The following NOX4 variants were observed in gnomAD, a reference collection of about 807,000 sequenced individuals.
The protein encoded by NOX4 is NADPH oxidase 4, also known as kidney oxidase-1.
NOX4 carries 69 observed loss-of-function variants against 87.6 expected under a neutral mutation model. The ratio of observed to expected loss-of-function variants is 0.79; its 90% CI spans 0.65 to 0.96. The LOEUF is 0.96. Among genes scored for constraint, NOX4 ranks in the 40% least tolerant of loss-of-function variants. NOX4 has a pLI of 0.00. For missense variants in NOX4, 680 were observed against 681.5 expected (o/e 1.00, Z 0.02); for synonymous variants, 275 against 238.2 (o/e 1.15, Z -1.42).
chr11:89,326,086 T>G lies in NOX4; in HGVS notation c.*670A>C, dbSNP rs1945211757. On this transcript the variant is annotated 3_prime_UTR_variant, in exon 18 of 18. Coordinates refer to ENST00000263317, the MANE Select transcript of NOX4 (RefSeq NM_016931.5). ...TAATGCATGCTAAGGGAAGGCATAT[T>G]TCCCTAGAGAGAGGAATAAAAAGAA... 1 of 151,342 alleles carries G rather than the reference T, an allele frequency of 6.6e-6. No individual in the cohort carries two copies. Among genetic ancestry groups the G allele is most frequent in the South Asian group, 2.1e-4 (1 of 4,826 alleles). The allele number at this position is 151,342 out of a possible 1,614,324, so 9.4% of individuals were successfully genotyped here.
intron 2 of NOX4, among the ~76,000 whole-genome samples, chr11:89,469,868 T>C (rs141893703): frequency 1.3e-5 from 2 of 152,254 alleles, no homozygotes; most frequent in East Asian, 3.9e-4. Flanking sequence ...GATGGGCTAT[T>C]TTAAAATAAA....
intron 2 of NOX4, among the ~76,000 whole-genome samples, chr11:89,464,872 G>C (rs1945609448): frequency 6.6e-6 from 1 of 152,184 alleles, no homozygotes; most frequent in Non-Finnish European, 1.5e-5. Flanking sequence ...AAATTCATTT[G>C]TTGAAGCCCT....
At position 89,358,882 on chromosome 11, in the gene NOX4, C is replaced by G. The variant is rs577272182; in HGVS notation, c.1136-3839G>C. On this transcript the variant is annotated intron_variant, in intron 12 of 17. Transcript: ENST00000263317. ...AAATGGCACAGTTATCCAAATACTA[C>G]AGCTCAGTCCTTTCACAGGACTTCT... Among the ~76,000 whole-genome samples the G allele has an allele frequency of 9.2e-5, 14 of 152,054 alleles. 2 individuals are homozygous for G. The South Asian group carries it at 2.9e-3, about 32-fold the overall frequency.
At chr11:89,402,712 A>T (rs955691869) in intron 8 of NOX4, among the ~76,000 whole-genome samples, 170 bp from the exon 9 acceptor site, 3 of 152,140 alleles carry the variant, frequency 2.0e-5, no homozygotes, top group African/African-American at 4.8e-5. Flanking sequence ...GAAAAATCTT[A>T]AAAAATTTTG....
intron 13 of NOX4, among the ~76,000 whole-genome samples, chr11:89,344,716 G>T (rs1425495365): frequency 6.6e-6 from 1 of 152,126 alleles, no homozygotes; most frequent in Non-Finnish European, 1.5e-5. Context: ...TCATAGGAAA[G>T]TATAATGCCC....
intron 17 of NOX4, among the ~76,000 whole-genome samples, chr11:89,327,785 T>G (rs1193939440): frequency 6.6e-6 from 1 of 152,104 alleles, no homozygotes; most frequent in Non-Finnish European, 1.5e-5. Flanking sequence ...TTATTAAAAC[T>G]TTTTACCTTG....
At chr11:89,556,691 A>G in the NOX4 span, among the ~76,000 whole-genome samples, 14 of 152,280 alleles carry the variant, frequency 9.2e-5, no homozygotes, top group Admixed American at 8.5e-4. Context: ...TGGGAGGGTT[A>G]CCTCAATTCA....
At chr11:89,354,454 G>A (rs961215117) in intron 13 of NOX4, among the ~76,000 whole-genome samples, 6 of 152,242 alleles carry the variant, frequency 3.9e-5, no homozygotes, top group Admixed American at 2.6e-4. Flanking sequence ...ATAACAAAGC[G>A]TCAGAAGATT....
At chr11:89,585,070 A>G in the NOX4 span, among the ~76,000 whole-genome samples, 1 of 152,090 alleles carries the variant, frequency 6.6e-6, no homozygotes, top group Non-Finnish European at 1.5e-5. Flanking sequence ...CGAATTTTGT[A>G]TTGTCAGGTA....
At chr11:89,380,820 T>C (rs1940228529) in intron 11 of NOX4, among the ~76,000 whole-genome samples, 1 of 152,168 alleles carries the variant, frequency 6.6e-6, no homozygotes, top group Non-Finnish European at 1.5e-5. Flanking sequence ...GCTTCATCTA[T>C]GGTTAAGATA....
intron 8 of NOX4, among the ~76,000 whole-genome samples, chr11:89,419,994 C>A (rs1943001293): frequency 6.6e-6 from 1 of 151,888 alleles, no homozygotes; most frequent in African/African-American, 2.4e-5. Flanking sequence ...ATAGACAGAT[C>A]ACAATCTCAA....
chr11:89,361,658 A>C lies in NOX4; in HGVS notation c.1136-6615T>G, dbSNP rs1465400585. 2.6e-5 allele frequency among the ~76,000 whole-genome samples: 4 copies of C among 152,152 alleles called. No individual in the cohort carries two copies. In the East Asian group the frequency reaches 7.7e-4, roughly 29 times the overall value. ...GCTTAAGGAATGAAAAGAAATCTTA[A>C]TTAAAGTCACTGAAAGGGAGTGGGG... On this transcript the variant is annotated intron_variant, in intron 12 of 17. Coordinates refer to ENST00000263317, the MANE Select transcript of NOX4 (RefSeq NM_016931.5).
At chr11:89,388,201 C>G (rs1442061096) in intron 11 of NOX4, among the ~76,000 whole-genome samples, 1 of 152,130 alleles carries the variant, frequency 6.6e-6, no homozygotes, top group East Asian at 1.9e-4. Flanking sequence ...TTAAAAGCTA[C>G]TTAATGGACA....
chr11:89,523,394 G>A, the NOX4 span, among the ~76,000 whole-genome samples: 1 of 152,178 alleles, frequency 6.6e-6, no homozygotes, highest in Non-Finnish European at 1.5e-5. Flanking sequence ...TCAGCAATGA[G>A]AGAATAAAAA....
chr11:89,343,186 A>C (rs1031855362), intron 13 of NOX4, among the ~76,000 whole-genome samples: 13 of 152,226 alleles, frequency 8.5e-5, no homozygotes, highest in Non-Finnish European at 1.9e-4. Flanking sequence ...TTCCAGACAA[A>C]TAACTTTTCC....
chr11:89,479,677 T>A (rs1026091674), intron 2 of NOX4, among the ~76,000 whole-genome samples: 2 of 152,192 alleles, frequency 1.3e-5, no homozygotes, highest in African/African-American at 4.8e-5. Flanking sequence ...ATTGTCAAAT[T>A]CAACTTTCTA....
the NOX4 span, among the ~76,000 whole-genome samples, chr11:89,573,005 C>CTA: frequency 2.0e-5 from 3 of 151,950 alleles, no homozygotes; most frequent in Admixed American, 1.3e-4. Context: ...TCCTCTTTTA[C>CTA]TATAGTTCAC....
At chr11:89,583,483 A>T in the NOX4 span, among the ~76,000 whole-genome samples, 1 of 152,216 alleles carries the variant, frequency 6.6e-6, no homozygotes, top group African/African-American at 2.4e-5. Context: ...GCTATGCAAC[A>T]TATTTGAAAA....
At chr11:89,442,437 A>C (rs899606222) in intron 5 of NOX4, among the ~76,000 whole-genome samples, 3 of 152,296 alleles carry the variant, frequency 2.0e-5, no homozygotes, top group African/African-American at 7.2e-5. Flanking sequence ...CATTCACTGG[A>C]GTGTGGTTCA....
Sources: allele counts gnomAD v4.1 joint callset (sites outside exome capture counted in the v4.1 genomes callset), GRCh38; gene constraint gnomAD v4.1.1; transcripts MANE v1.5; gene names NCBI Gene and HGNC (gene_info 2026-07-23, HGNC 2026-07-21).